BLTP2: variants seen among roughly 807,000 people sequenced by gnomAD.
BLTP2 encodes the protein U937-associated antigen.
chr17:28,633,030 G>C, the BLTP2 span: 1 of 1,584,698 alleles, frequency 6.3e-7, no homozygotes, highest in Non-Finnish European at 8.6e-7. Context: ...GCTGGCCCAA[G>C]GGCACCTCAG....
the BLTP2 span, chr17:28,639,455 G>A: frequency 6.2e-7 from 1 of 1,611,868 alleles, no homozygotes; most frequent in African/African-American, 1.3e-5. Context: ...GGTCAATGGT[G>A]GTCACCTGAA....
chr17:28,633,436 G>A, the BLTP2 span: 3 of 1,592,748 alleles, frequency 1.9e-6, no homozygotes, highest in Admixed American at 3.3e-5. Context: ...TGAGATATAG[G>A]TAAGAAAACC....
the BLTP2 span, chr17:28,635,715 C>G: frequency 8.3e-7 from 1 of 1,200,348 alleles, no homozygotes; most frequent in Non-Finnish European, 1.1e-6. Flanking sequence ...CATCTCCACC[C>G]AGAAGTTGTT....
chr17:28,628,154 ACTT>A, the BLTP2 span: 1 of 919,238 alleles, frequency 1.1e-6, no homozygotes, highest in Non-Finnish European at 1.7e-6. Flanking sequence ...TAATAGTTTC[ACTT>A]CTTTACCTAG....
chr17:28,623,015 C>T, the BLTP2 span, among the ~76,000 whole-genome samples: 5 of 152,284 alleles, frequency 3.3e-5, no homozygotes, highest in Non-Finnish European at 5.9e-5. Flanking sequence ...GCAGAGGTTG[C>T]AGTGAGCTGA....
chr17:28,620,427 T>C, the BLTP2 span: 1 of 1,519,040 alleles, frequency 6.6e-7, no homozygotes, highest in South Asian at 1.2e-5. Context: ...AAGCATGGCT[T>C]TTGTTACAGA....
the BLTP2 span, chr17:28,633,739 T>C: frequency 1.2e-4 from 197 of 1,613,514 alleles, 2 homozygotes; most frequent in South Asian, 2.1e-3. Context: ...CACTGTGTAC[T>C]GGAATATTTC....
At chr17:28,633,677 C>T in the BLTP2 span, 2 of 1,614,078 alleles carry the variant, frequency 1.2e-6, no homozygotes, top group Admixed American at 1.7e-5. Flanking sequence ...GTCAAGAGGT[C>T]CACACACTGG....
chr17:28,625,026 T>C, the BLTP2 span, among the ~76,000 whole-genome samples: 1 of 152,104 alleles, frequency 6.6e-6, no homozygotes, highest in Non-Finnish European at 1.5e-5. Flanking sequence ...AGAGTAACTC[T>C]CTCATGAGAT....
At chr17:28,639,560 C>G in the BLTP2 span, 3,981 of 1,613,742 alleles carry the variant, frequency 2.5e-3, 13 homozygotes, top group Middle Eastern at 9.2e-3. Context: ...ATTCTTGGTA[C>G]CACAATCATC....
chr17:28,632,021 G>T, the BLTP2 span: 1 of 1,608,980 alleles, frequency 6.2e-7, no homozygotes, highest in Non-Finnish European at 8.5e-7. Context: ...ATAAAGTGAA[G>T]ATGTCAGCAG....
the BLTP2 span, chr17:28,638,775 T>A: frequency 3.2e-6 from 2 of 627,048 alleles, no homozygotes; most frequent in East Asian, 5.2e-5. Flanking sequence ...GAGACACACC[T>A]AGAAGATAAA....
the BLTP2 span, among the ~76,000 whole-genome samples, chr17:28,641,243 G>C: frequency 6.6e-6 from 1 of 152,260 alleles, no homozygotes; most frequent in Middle Eastern, 3.4e-3. Context: ...TGTGGATGCG[G>C]AACACACAGA....
At chr17:28,624,108 G>T in the BLTP2 span, 1 of 1,351,972 alleles carries the variant, frequency 7.4e-7, no homozygotes, top group Non-Finnish European at 1.0e-6. Flanking sequence ...GATTACCTAT[G>T]ATACCTATGA....
chr17:28,644,917 GTCTT>G, the BLTP2 span: 1 of 1,369,908 alleles, frequency 7.3e-7, no homozygotes. Context: ...CCCCTCCTCA[GTCTT>G]TCTTCCTCCT....
chr17:28,636,990 T>C, the BLTP2 span: 17 of 1,613,852 alleles, frequency 1.1e-5, no homozygotes, highest in African/African-American at 4.0e-5. Flanking sequence ...GCTGCTGTGA[T>C]AGGTGATGGA....
At chr17:28,642,269 A>G in the BLTP2 span, 1 of 1,613,922 alleles carries the variant, frequency 6.2e-7, no homozygotes, top group Non-Finnish European at 8.5e-7. Context: ...ATCATGGCAT[A>G]CTTACCAGCT....
the BLTP2 span, chr17:28,615,396 TAC>T: frequency 1.2e-5 from 10 of 807,072 alleles, no homozygotes; most frequent in Non-Finnish European, 1.9e-5. Flanking sequence ...TCAAGAAGCT[TAC>T]AGTCTAATTA....
the BLTP2 span, chr17:28,624,495 G>C: frequency 9.8e-7 from 1 of 1,022,326 alleles, no homozygotes; most frequent in African/African-American, 1.6e-5. Context: ...GGCTAGGTAA[G>C]AGCTTAGAAT....
Sources: allele counts gnomAD v4.1 joint callset (sites outside exome capture counted in the v4.1 genomes callset), GRCh38; gene constraint gnomAD v4.1.1; transcripts MANE v1.5; gene names NCBI Gene and HGNC (gene_info 2026-07-23, HGNC 2026-07-21).